The following GLIS1 variants were observed in gnomAD, a reference collection of about 807,000 sequenced individuals.
GLIS1 encodes the protein GLIS family zinc finger 1, also known as zinc finger protein GLIS1.
GLIS1 carries 24 observed loss-of-function variants against 63.8 expected under a neutral mutation model. That is an observed-to-expected ratio of 0.38 (90% CI 0.27 to 0.53). The LOEUF is 0.53. Among genes scored for constraint, GLIS1 ranks in the 20% least tolerant of loss-of-function variants. The pLI, the probability that GLIS1 is intolerant of heterozygous loss-of-function variation, is 0.85. For synonymous variants in GLIS1, 450 were observed against 482.5 expected, an observed-to-expected ratio of 0.93 and a Z score of 0.88; for missense variants, 1,036 against 1,074.1, an observed-to-expected ratio of 0.96 and a Z score of 0.50.
At chr1:53,546,008 AGGAAGACAT>A (rs1167225280) in intron 4 of GLIS1, among the ~76,000 whole-genome samples, 1 of 152,236 alleles carries the variant, frequency 6.6e-6, no homozygotes, top group African/African-American at 2.4e-5. Flanking sequence ...CTGAGGATTA[AGGAAGACAT>A]GGATGGGGAC....
At chr1:53,609,336 C>A (rs1369103393) in intron 2 of GLIS1, among the ~76,000 whole-genome samples, 5 of 115,302 alleles carry the variant, frequency 4.3e-5, no homozygotes, top group African/African-American at 1.3e-4. Flanking sequence ...TGCAGTCGTG[C>A]GATCTTGGCT....
At chr1:53,535,229 G>A (rs1280461399) in intron 4 of GLIS1, among the ~76,000 whole-genome samples, 1 of 152,128 alleles carries the variant, frequency 6.6e-6, no homozygotes, top group Non-Finnish European at 1.5e-5. Flanking sequence ...CTTCACAGAA[G>A]CCACTCCATG....
chr1:53,600,570 G>A (rs115228597), intron 2 of GLIS1, among the ~76,000 whole-genome samples: 1 of 152,168 alleles, frequency 6.6e-6, no homozygotes, highest in Admixed American at 6.5e-5. Context: ...TGTTCTAGGT[G>A]CAGGAAACAC....
rs137944404 is a variant in GLIS1 at position 53,531,414 on chromosome 1, G to A, written c.1321-1462C>T. 2.6e-3 allele frequency among the ~76,000 whole-genome samples: 402 copies of A among 152,322 alleles called. 2 individuals are homozygous for A. The highest frequency in any genetic ancestry group is 9.4e-3 in the African/African-American group (389 of 41,578). On this transcript the variant is annotated intron_variant, in intron 4 of 10. Transcript: ENST00000628545. ...CATCCTTTCTCTGGGGCTCACCTGC[G>A]GGGAGTAGGGGGAGGAGCTGGTTGG...
At chr1:53,731,129 C>T (rs1646855727) in intron 2 of GLIS1, among the ~76,000 whole-genome samples, 1 of 152,206 alleles carries the variant, frequency 6.6e-6, no homozygotes, top group Non-Finnish European at 1.5e-5. Flanking sequence ...AAGACTCAGA[C>T]AGGGACTACT....
At chr1:53,633,909 A>G (rs1265913759) in intron 2 of GLIS1, among the ~76,000 whole-genome samples, 2 of 152,190 alleles carry the variant, frequency 1.3e-5, no homozygotes, top group Admixed American at 1.3e-4. Context: ...CAGTTATGAG[A>G]TCACGAATCC....
chr1:53,694,962 A>G (rs1454906689), intron 2 of GLIS1, among the ~76,000 whole-genome samples: 1 of 152,118 alleles, frequency 6.6e-6, no homozygotes, highest in African/African-American at 2.4e-5. Context: ...ATACGTAAAT[A>G]TATATACTGG....
At chr1:53,570,115 C>CT (rs1344916430) in intron 4 of GLIS1, among the ~76,000 whole-genome samples, 1 of 151,938 alleles carries the variant, frequency 6.6e-6, no homozygotes, top group African/African-American at 2.4e-5. Context: ...TTCTCTCTTT[C>CT]TTTTTTTATT....
intron 2 of GLIS1, among the ~76,000 whole-genome samples, chr1:53,677,880 C>T (rs1452087451): frequency 1.3e-5 from 2 of 152,212 alleles, no homozygotes; most frequent in South Asian, 2.1e-4. Flanking sequence ...CTCACTGCTG[C>T]GAGGCCTCCA....
chr1:53,676,262 C>T (rs1385981528), intron 2 of GLIS1, among the ~76,000 whole-genome samples: 1 of 152,202 alleles, frequency 6.6e-6, no homozygotes, highest in African/African-American at 2.4e-5. Flanking sequence ...CAAGGAAAGA[C>T]TCATCAGGGA....
intron 4 of GLIS1, among the ~76,000 whole-genome samples, chr1:53,555,187 C>T (rs1355217850): frequency 6.6e-6 from 1 of 152,226 alleles, no homozygotes; most frequent in African/African-American, 2.4e-5. Flanking sequence ...TGGAAATTCT[C>T]TTATACCTTG....
intron 2 of GLIS1, among the ~76,000 whole-genome samples, chr1:53,660,230 C>T (rs1646012073): frequency 6.6e-6 from 1 of 152,140 alleles, no homozygotes; most frequent in Non-Finnish European, 1.5e-5. Context: ...TCTTGCAGAC[C>T]CTTGCAAGAT....
chr1:53,627,059 T>A (rs1645602125), intron 2 of GLIS1, among the ~76,000 whole-genome samples: 1 of 152,268 alleles, frequency 6.6e-6, no homozygotes, highest in African/African-American at 2.4e-5. Context: ...AGTTTCTGCC[T>A]AGGCCCTCGT....
intron 9 of GLIS1, among the ~76,000 whole-genome samples, chr1:53,509,570 C>T (rs1012583030): frequency 1.3e-5 from 2 of 152,162 alleles, no homozygotes; most frequent in Non-Finnish European, 2.9e-5. Context: ...CACTCTCAGG[C>T]GCTCAATCCC....
intron 2 of GLIS1, among the ~76,000 whole-genome samples, chr1:53,605,990 G>A (rs1645366019): frequency 6.6e-6 from 1 of 152,184 alleles, no homozygotes; most frequent in African/African-American, 2.4e-5. Flanking sequence ...CTAGGTTGAA[G>A]TCCTGCTCCA....
At chr1:53,686,890 G>A (rs904939919) in intron 2 of GLIS1, among the ~76,000 whole-genome samples, 9 of 152,184 alleles carry the variant, frequency 5.9e-5, no homozygotes, top group African/African-American at 2.2e-4. Context: ...CTAGGGAGAT[G>A]GGACTGTGGC....
At chr1:53,630,073 T>C (rs1447577750) in intron 2 of GLIS1, among the ~76,000 whole-genome samples, 1 of 152,238 alleles carries the variant, frequency 6.6e-6, no homozygotes, top group Non-Finnish European at 1.5e-5. Flanking sequence ...TGTGTATGCA[T>C]ACACATACAT....
At chr1:53,714,128 A>ACTTGTTTGG (rs1386961173) in intron 2 of GLIS1, among the ~76,000 whole-genome samples, 2 of 152,234 alleles carry the variant, frequency 1.3e-5, no homozygotes, top group Non-Finnish European at 2.9e-5. Flanking sequence ...AAATACAAAC[A>ACTTGTTTGG]AGGTCCAAAG....
chr1:53,712,378 G>A (rs1384061585), intron 2 of GLIS1, among the ~76,000 whole-genome samples: 3 of 152,178 alleles, frequency 2.0e-5, no homozygotes, highest in Non-Finnish European at 4.4e-5. Context: ...AAATAGCAAG[G>A]GCCCAGAATG....
Sources: allele counts gnomAD v4.1 joint callset (sites outside exome capture counted in the v4.1 genomes callset), GRCh38; gene constraint gnomAD v4.1.1; transcripts MANE v1.5; gene names NCBI Gene and HGNC (gene_info 2026-07-23, HGNC 2026-07-21).